Variants in NUP107 observed in about 807,000 individuals in gnomAD.
NUP107 encodes nuclear pore complex protein Nup107.
Under a neutral mutation model 141.0 loss-of-function variants are expected in NUP107, and 101 were observed. The observed-to-expected ratio is 0.72, with a 90% CI of 0.61 to 0.84. NUP107 has a LOEUF of 0.84. NUP107 is among the 40% of genes least tolerant of loss of function. The probability of loss-of-function intolerance (pLI) is 0.00; values close to 1 mark genes in which losing one functional copy is unlikely to be tolerated. For missense variants in NUP107, 941 were observed against 1,102.7 expected, an observed-to-expected ratio of 0.85 and a Z score of 2.08; for synonymous variants, 319 against 363.9, an observed-to-expected ratio of 0.88 and a Z score of 1.41.
intron 26 of NUP107, among the ~76,000 whole-genome samples, chr12:68,738,792 C>T (rs748713291): frequency 1.3e-5 from 2 of 152,146 alleles, no homozygotes; most frequent in African/African-American, 2.4e-5. Flanking sequence ...TACTGTCTTC[C>T]GTGGCTTCTC....
At chr12:68,720,454 T>C (rs1877305683) in intron 14 of NUP107, among the ~76,000 whole-genome samples, 1 of 152,002 alleles carries the variant, frequency 6.6e-6, no homozygotes, top group Non-Finnish European at 1.5e-5. Context: ...AAAAAGTAAT[T>C]AGGAGCCTGT....
chr12:68,713,677 T>C, intron 10 of NUP107, 53 bp from the exon 11 acceptor site: 1 of 1,204,704 alleles, frequency 8.3e-7, no homozygotes. Context: ...TTTTTAAAAA[T>C]AGACCTATTA....
At position 68,744,065 on chromosome 12, in the gene NUP107, T is replaced by C. The variant is rs1457735287; in HGVS notation, c.*1603T>C. On this transcript the variant is annotated 3_prime_UTR_variant, in exon 28 of 28. Coordinates refer to ENST00000229179, the MANE Select transcript of NUP107 (RefSeq NM_020401.4). ...ACAAACTGTATATATAGAAACTTTG[T>C]ACAACCCAGGGTGACTATTTCCAAA... 6.6e-6 allele frequency: 1 copy of C among 152,238 alleles called. No individual in the cohort carries two copies. Among genetic ancestry groups the C allele is most frequent in the African/African-American group, 2.4e-5 (1 of 41,472 alleles). The allele number at this position is 152,238 out of a possible 1,614,324, so 9.4% of individuals were successfully genotyped here.
intron 8 of NUP107, chr12:68,707,171 A>G: frequency 2.0e-6 from 1 of 491,602 alleles, no homozygotes. Context: ...CCTGAGGCTC[A>G]GCCCTAGCCC....
At chr12:68,725,904 T>A in intron 18 of NUP107, 108 bp downstream of exon 18, 12 of 619,724 alleles carry the variant, frequency 1.9e-5, no homozygotes, top group Non-Finnish European at 3.1e-5. Context: ...TGGCTCAGTC[T>A]CAGCTCACTG....
At chr12:68,716,449 G>A (rs916306842) in intron 12 of NUP107, among the ~76,000 whole-genome samples, 3 of 149,762 alleles carry the variant, frequency 2.0e-5, no homozygotes, top group Non-Finnish European at 3.0e-5. Flanking sequence ...CAGGCTGATC[G>A]TGAACACCTG....
chr12:68,735,396 TTTTTTA>T (rs768351242), intron 26 of NUP107, 52 bp downstream of exon 26: 4 of 1,256,390 alleles, frequency 3.2e-6, no homozygotes, highest in Non-Finnish European at 4.7e-6. Flanking sequence ...CACCATGTTC[TTTTTTA>T]AAAATATTCT....
intron 7 of NUP107, among the ~76,000 whole-genome samples, chr12:68,702,462 C>T (rs1338997217): frequency 1.3e-5 from 2 of 151,350 alleles, no homozygotes; most frequent in African/African-American, 4.9e-5. Flanking sequence ...GGGTTTCACT[C>T]TGTTGTTCGC....
chr12:68,733,415 TC>T, intron 23 of NUP107, 36 bp from the exon 24 acceptor site: 1 of 1,584,718 alleles, frequency 6.3e-7, no homozygotes, highest in South Asian at 1.2e-5. Context: ...TACAGAGAAG[TC>T]CGTAGGCATT....
intron 26 of NUP107, among the ~76,000 whole-genome samples, chr12:68,736,717 C>CTTTTTTTTT (rs10713889): frequency 3.8e-5 from 4 of 105,894 alleles, no homozygotes; most frequent in Middle Eastern, 7.0e-3. Context: ...GTGTCGCCAC[C>CTTTTTTTTT]TTTTTTTTTT....
chr12:68,696,644 T>G (rs931994345), intron 5 of NUP107, among the ~76,000 whole-genome samples, 175 bp from the exon 6 acceptor site: 1 of 151,894 alleles, frequency 6.6e-6, no homozygotes, highest in Admixed American at 6.6e-5. Flanking sequence ...ACCTGGGAGG[T>G]GGAGGTTGCA....
intron 10 of NUP107, among the ~76,000 whole-genome samples, chr12:68,712,980 A>G (rs35607042): frequency 0.088 from 13,311 of 152,124 alleles, 1,291 homozygotes; most frequent in African/African-American, 0.24. Context: ...AAGATATCCT[A>G]GTAACTTGAG....
chr12:68,743,707 A>G lies in NUP107; in HGVS notation c.*1245A>G, dbSNP rs1194833712. ...CAGTAATTCCCCAAACTTGCTAATC[A>G]TCTAAGGAATTTCTTGAATATGTAT... On this transcript the variant is annotated 3_prime_UTR_variant, in exon 28 of 28. Coordinates refer to ENST00000229179, the MANE Select transcript of NUP107 (RefSeq NM_020401.4). 6.6e-6 allele frequency: 1 copy of G among 152,236 alleles called. No homozygotes were observed. The highest frequency in any genetic ancestry group is 1.5e-5 in the Non-Finnish European group (1 of 68,042). The allele number at this position is 152,236 out of a possible 1,614,324, so 9.4% of individuals were successfully genotyped here. A position where few individuals can be genotyped will look rare whatever the true frequency, so the allele number is the denominator to read the frequency against.
chr12:68,713,801 C>A lies in NUP107; in HGVS notation c.962C>A (p.Thr321Asn). The A allele has an allele frequency of 6.2e-7, 1 of 1,608,530 alleles. No individual in the cohort carries two copies. The highest frequency in any genetic ancestry group is 8.5e-7 in the Non-Finnish European group (1 of 1,177,764). Residue 321 changes from threonine to asparagine, a missense_variant, in exon 11 of 28, where the codon ACT becomes AAT. Thr to Asn is a moderately conservative substitution (Grantham distance 65). Coordinates refer to ENST00000229179, the MANE Select transcript of NUP107 (RefSeq NM_020401.4). Reference protein sequence around the residue: ...SYVGSVRPLVTELDPDAPIRQ... With the variant: ...SYVGSVRPLVNELDPDAPIRQ... ...GTTGGAAGTGTTCGTCCGCTTGTCA[C>A]TGAATTGGTAAATGTTCTTTGAAAT...
Position 68,696,804 on chromosome 12 carries a change from T to TG in NUP107, c.449-15_449-14insG. 3 of 1,423,534 alleles carry TG rather than the reference T, an allele frequency of 2.1e-6. No individual in the cohort carries two copies. Among genetic ancestry groups the TG allele is most frequent in the Middle Eastern group, 1.8e-4 (1 of 5,412 alleles). The allele number at this position is 1,423,534 out of a possible 1,614,324, so 88.2% of individuals were successfully genotyped here. On this transcript the variant is annotated splice_polypyrimidine_tract_variant and intron_variant, in intron 5 of 27. Transcript: ENST00000229179. ...ACTTTTCTTTATTCCTTTTTTTTTT[T>TG]TTGATGTGTTCTAGCATCCATGAGT...
rs775597588 is a variant in NUP107 at position 68,731,676 on chromosome 12, G to A, written c.1955G>A (p.Ser652Asn). The change falls in exon 22 of 28, where the codon AGT becomes AAT. Residue 652 changes from serine (S) to asparagine (N), a missense_variant. Transcript: ENST00000229179. The stretch of plus-strand genomic sequence containing the variant: ...CGAAAGAAAGATAATGGTGAATTTA[G>A]TCATCATGACCTGGCCCCAGCCCTA... ...NIRKKDNGEFSHHDLAPALDT... is the reference protein window; with the variant it reads ...NIRKKDNGEFNHHDLAPALDT... 6.3e-7 allele frequency: 1 copy of A among 1,588,972 alleles called. No homozygotes were observed. Among genetic ancestry groups the A allele is most frequent in the South Asian group, 1.2e-5 (1 of 85,808 alleles).
intron 26 of NUP107, among the ~76,000 whole-genome samples, chr12:68,738,502 A>G (rs1447927663): frequency 6.6e-6 from 1 of 151,988 alleles, no homozygotes; most frequent in Non-Finnish European, 1.5e-5. Context: ...GATAGGTTCC[A>G]TGGCAAGTGC....
rs990831533 is a variant in NUP107 at position 68,745,542 on chromosome 12, A to G, written c.*3080A>G. 5 of 152,284 alleles carry G rather than the reference A, an allele frequency of 3.3e-5. No homozygotes were observed. The East Asian group carries it at 5.8e-4, about 18-fold the overall frequency. The allele number at this position is 152,284 out of a possible 1,614,324, so 9.4% of individuals were successfully genotyped here. A position where few individuals can be genotyped will look rare whatever the true frequency, so the allele number is the denominator to read the frequency against. On this transcript the variant is annotated 3_prime_UTR_variant, in exon 28 of 28. Transcript: ENST00000229179. ...CTGACCTGATCCAAAACATATATATATATTTGTATGCACCCCTAGAGACAG... is the reference window on the plus strand; with the variant it reads ...CTGACCTGATCCAAAACATATATATGTATTTGTATGCACCCCTAGAGACAG...
Position 68,709,254 on chromosome 12 carries a change from A to G in NUP107, c.746A>G (p.Glu249Gly). The G allele has an allele frequency of 6.2e-7, 1 of 1,601,716 alleles. No homozygotes were observed. The highest frequency in any genetic ancestry group is 8.5e-7 in the Non-Finnish European group (1 of 1,174,466). The change falls in exon 9 of 28, where the codon GAA (glutamate) becomes GGA (glycine). Residue 249 changes from glutamate to glycine, a missense_variant. By Grantham distance (98) the Glu-to-Gly change is moderately conservative (BLOSUM62 -2). Coordinates refer to ENST00000229179, the MANE Select transcript of NUP107 (RefSeq NM_020401.4). ...VFAVTAVNAS[E>G]KTVVEALFQR... ...TCATAATAGGCTGTTAATGCCAGTGAAAAAACAGTTGTGGAAGCGTTATTT... is the reference window on the plus strand; with the variant it reads ...TCATAATAGGCTGTTAATGCCAGTGGAAAAACAGTTGTGGAAGCGTTATTT...
Sources: gnomAD v4.1 joint callset for allele counts (sites outside exome capture counted in the v4.1 genomes callset) on GRCh38, gnomAD v4.1.1 for gene constraint, MANE v1.5 for transcripts, NCBI Gene and HGNC (gene_info 2026-07-23, HGNC 2026-07-21) for gene names.